Variants in APBB2 observed in about 807,000 individuals in gnomAD.
APBB2 encodes the protein amyloid beta precursor protein binding family B member 2, also known as Fe65-like 1.
APBB2 carries 38 observed loss-of-function variants against 82.5 expected under a neutral mutation model. The observed-to-expected ratio is 0.46, with a 90% CI of 0.36 to 0.60. The LOEUF (loss-of-function observed/expected upper bound fraction) is 0.60. Ranked by LOEUF, APBB2 falls within the 20% of genes least tolerant of loss-of-function variation. The pLI is 0.00. For synonymous variants in APBB2, 341 were observed against 368.2 expected (o/e 0.93, Z 0.85); for missense variants, 772 against 972.3 (o/e 0.79, Z 2.74).
At chr4:40,903,379 C>T (rs188072453) in intron 10 of APBB2, among the ~76,000 whole-genome samples, 150 of 152,170 alleles carry the variant, frequency 9.9e-4, no homozygotes, top group Non-Finnish European at 1.7e-3. Context: ...AGGCAGGAGA[C>T]TTGCTTGAAC....
chr4:40,847,808 C>CT lies in APBB2; in HGVS notation c.1530-17232dup, dbSNP rs530566684. ...TTGAATTGTTTGTTGTTTTTGCTTG[C>CT]TTTTTTTTTTTTTTAAGAGATGGGA... On this transcript the variant is annotated intron_variant, in intron 12 of 17. Transcript: ENST00000508593. Among the ~76,000 whole-genome samples the CT allele has an allele frequency of 1.9e-3, 268 of 141,258 alleles. 1 individual carries two copies. In the South Asian group the frequency reaches 0.021, roughly 11 times the overall value. The allele number at this position is 141,258 out of a possible 152,430, so 92.7% of individuals were successfully genotyped here.
chr4:41,008,320 C>T (rs2154426446), intron 6 of APBB2, among the ~76,000 whole-genome samples: 1 of 152,286 alleles, frequency 6.6e-6, no homozygotes, highest in African/African-American at 2.4e-5. Context: ...TGTGAGGCAA[C>T]AGGATCAATG....
intron 5 of APBB2, 143 bp from the exon 6 acceptor site, chr4:41,014,541 T>C: frequency 1.2e-6 from 1 of 810,386 alleles, no homozygotes; most frequent in Non-Finnish European, 2.0e-6. Flanking sequence ...CATTTTCCTC[T>C]TTATTTCACC....
rs1750040731 is a variant in APBB2, at chr4:40,826,617, A to G, written c.1732+515T>C. 1 of 157,584 alleles carries G rather than the reference A, an allele frequency of 6.3e-6. No homozygotes were observed. The highest frequency in any genetic ancestry group is 1.4e-5 in the Non-Finnish European group (1 of 71,838). The allele number at this position is 157,584 out of a possible 1,614,324, so 9.8% of individuals were successfully genotyped here. The stretch of plus-strand genomic sequence containing the variant: ...CAGCCTCCCAAAGTGCTGGGATTAT[A>G]GATGTGAACCACCGCGCCTGGCCCA... On this transcript the variant is annotated intron_variant, in intron 14 of 17. Transcript: ENST00000508593. This position sits in a 1 kb window ranked among gnomAD's most constrained non-coding sequence, Gnocchi z 4.5.
chr4:40,927,702 G>A (rs910001842), intron 10 of APBB2, among the ~76,000 whole-genome samples: 7 of 152,082 alleles, frequency 4.6e-5, no homozygotes, highest in African/African-American at 1.2e-4. Context: ...GGCTGGTCTC[G>A]AACTCCTGGG....
chr4:41,159,961 G>GAGAAGAAGA (rs1161043741), intron 1 of APBB2, among the ~76,000 whole-genome samples: 715 of 31,938 alleles, frequency 0.022, 84 homozygotes, highest in East Asian at 0.043. Flanking sequence ...GAAGGAGAAG[G>GAGAAGAAGA]AGAAGAAGAA....
At chr4:40,940,295 T>C (rs1786508733) in intron 7 of APBB2, among the ~76,000 whole-genome samples, 1 of 151,622 alleles carries the variant, frequency 6.6e-6, no homozygotes, top group African/African-American at 2.4e-5. Flanking sequence ...AGGGAGGCTA[T>C]AGTCATTAGA....
At chr4:40,830,733 A>G (rs190675436) in intron 12 of APBB2, 156 bp from the exon 13 acceptor site, 18 of 599,394 alleles carry the variant, frequency 3.0e-5, no homozygotes, top group African/African-American at 3.0e-4. Flanking sequence ...GCTTCCTAAC[A>G]TATAGTTTTA....
At chr4:41,197,887 A>G in intron 1 of APBB2, among the ~76,000 whole-genome samples, 3 of 152,208 alleles carry the variant, frequency 2.0e-5, no homozygotes, top group Non-Finnish European at 4.4e-5. Context: ...AACTCCCTAC[A>G]CTTAATAAAA....
At chr4:40,970,549 C>A (rs1795688230) in intron 6 of APBB2, among the ~76,000 whole-genome samples, 1 of 152,064 alleles carries the variant, frequency 6.6e-6, no homozygotes, top group African/African-American at 2.4e-5. Context: ...CTTCATGCAT[C>A]CATTCTACTT....
chr4:41,156,044 A>G (rs1460196715), intron 1 of APBB2, among the ~76,000 whole-genome samples: 1 of 152,126 alleles, frequency 6.6e-6, no homozygotes, highest in Non-Finnish European at 1.5e-5. Context: ...GTATTTTAGT[A>G]GTACATAAGT....
At chr4:40,822,802 A>G (rs1748455426) in intron 16 of APBB2, among the ~76,000 whole-genome samples, 1 of 152,198 alleles carries the variant, frequency 6.6e-6, no homozygotes, top group Non-Finnish European at 1.5e-5. Context: ...CTAGTGTGAG[A>G]GGTCGGGAAG....
intron 12 of APBB2, chr4:40,880,406 C>G: frequency 3.0e-6 from 3 of 985,392 alleles, no homozygotes; most frequent in Non-Finnish European, 3.6e-6. Context: ...GGTGACAACT[C>G]GTGTATGAAA....
At chr4:40,937,678 C>A (rs911771753) in intron 7 of APBB2, among the ~76,000 whole-genome samples, 3 of 152,168 alleles carry the variant, frequency 2.0e-5, no homozygotes, top group African/African-American at 7.2e-5. Flanking sequence ...TTTTCCCCTC[C>A]TATATTTACA....
chr4:41,074,330 T>C (rs1734874668), intron 3 of APBB2, among the ~76,000 whole-genome samples: 1 of 152,104 alleles, frequency 6.6e-6, no homozygotes, highest in South Asian at 2.1e-4. Context: ...AGATGATCAT[T>C]TGAGCTATGA....
chr4:41,187,932 T>C (rs936143564), intron 1 of APBB2, among the ~76,000 whole-genome samples: 1 of 152,204 alleles, frequency 6.6e-6, no homozygotes, highest in Admixed American at 6.5e-5. Context: ...ATTTATATAT[T>C]TATATTTTTC....
intron 10 of APBB2, among the ~76,000 whole-genome samples, chr4:40,907,674 T>TCC (rs1316832146): frequency 1.0e-4 from 8 of 79,118 alleles, no homozygotes; most frequent in African/African-American, 6.0e-4. Flanking sequence ...CCTGACCCTT[T>TCC]TTTTTTTTTT....
intron 1 of APBB2, among the ~76,000 whole-genome samples, chr4:41,145,334 C>CCA (rs1312681114): frequency 1.3e-5 from 2 of 152,126 alleles, no homozygotes; most frequent in Non-Finnish European, 2.9e-5. Flanking sequence ...TTTCCCTCAG[C>CCA]CACACAGCCA....
rs367704476 is a variant in APBB2, at chr4:40,919,451, T to C, written c.1254+15005A>G. On this transcript the variant is annotated intron_variant, in intron 10 of 17. Transcript: ENST00000508593. ...TTAATGCATCCTCATTAATAACCAG[T>C]TTATTGCCAGACATTTCCCACTTTA... Among the ~76,000 whole-genome samples, 201 of 152,336 alleles carry C rather than the reference T, an allele frequency of 1.3e-3. 1 individual carries two copies. The highest frequency in any genetic ancestry group is 3.3e-3 in the South Asian group (16 of 4,822).
Sources: allele counts gnomAD v4.1 joint callset (sites outside exome capture counted in the v4.1 genomes callset), GRCh38; gene constraint gnomAD v4.1.1; non-coding constraint Gnocchi (gnomAD v3.1); transcripts MANE v1.5; gene names NCBI Gene and HGNC (gene_info 2026-07-23, HGNC 2026-07-21).